Variants in MTNAP1 observed in about 807,000 individuals in gnomAD.
The protein encoded by MTNAP1 is mitochondrial nucleoid-associated protein 1.
At chr17:73,247,360 A>C in the MTNAP1 span, 3 of 1,613,790 alleles carry the variant, frequency 1.9e-6, no homozygotes, top group African/African-American at 4.0e-5. Flanking sequence ...TTTAAGTAGG[A>C]GAAGCCTTCG....
chr17:73,235,821 G>C, the MTNAP1 span: 1 of 1,614,172 alleles, frequency 6.2e-7, no homozygotes, highest in Non-Finnish European at 8.5e-7. Context: ...AAGACATCAA[G>C]AATCCAATCC....
At chr17:73,235,583 C>T in the MTNAP1 span, 1 of 1,614,122 alleles carries the variant, frequency 6.2e-7, no homozygotes, top group East Asian at 2.2e-5. Context: ...ATAGGACCAA[C>T]CATACCTACT....
chr17:73,234,508 T>A, the MTNAP1 span, among the ~76,000 whole-genome samples: 1 of 151,866 alleles, frequency 6.6e-6, no homozygotes, highest in African/African-American at 2.4e-5. Flanking sequence ...CTGGCCAACA[T>A]GGTGAAACCC....
the MTNAP1 span, chr17:73,248,550 A>G: frequency 6.4e-7 from 1 of 1,551,556 alleles, no homozygotes; most frequent in Non-Finnish European, 8.7e-7. Flanking sequence ...CAAGGTGCAT[A>G]CAAATGCAGC....
chr17:73,239,520 CT>C, the MTNAP1 span, among the ~76,000 whole-genome samples: 3 of 141,558 alleles, frequency 2.1e-5, no homozygotes, highest in Non-Finnish European at 4.6e-5. Flanking sequence ...CTTCAGACAT[CT>C]TTTTTTTTTT....
the MTNAP1 span, chr17:73,245,776 A>G: frequency 3.4e-6 from 3 of 895,238 alleles, no homozygotes; most frequent in African/African-American, 1.8e-5. Flanking sequence ...GATTTTTAAA[A>G]TAGCACACTA....
At chr17:73,242,105 G>A in the MTNAP1 span, 5 of 520,410 alleles carry the variant, frequency 9.6e-6, no homozygotes, top group South Asian at 3.4e-5. Context: ...CTTAGCTGCA[G>A]TCCAATGCAG....
chr17:73,242,677 C>A, the MTNAP1 span, among the ~76,000 whole-genome samples: 1 of 152,228 alleles, frequency 6.6e-6, no homozygotes, highest in African/African-American at 2.4e-5. Flanking sequence ...CCTCCTCCCA[C>A]TAAAGATTTT....
the MTNAP1 span, chr17:73,247,426 A>C: frequency 7.4e-7 from 1 of 1,356,094 alleles, no homozygotes; most frequent in Non-Finnish European, 1.1e-6. Context: ...GCCCTGTAAC[A>C]CCTAAGTGTA....
the MTNAP1 span, among the ~76,000 whole-genome samples, chr17:73,238,415 C>G: frequency 2.6e-5 from 4 of 152,294 alleles, no homozygotes; most frequent in Admixed American, 2.6e-4. Context: ...AAAGGGAAAT[C>G]ATTTTCTTCT....
the MTNAP1 span, among the ~76,000 whole-genome samples, chr17:73,242,043 T>G: frequency 6.6e-6 from 1 of 152,226 alleles, no homozygotes; most frequent in Admixed American, 6.5e-5. Context: ...CAGGGGTCCC[T>G]TGGCCTTTTG....
At chr17:73,245,368 T>C in the MTNAP1 span, 1 of 1,347,758 alleles carries the variant, frequency 7.4e-7, no homozygotes, top group African/African-American at 1.5e-5. Flanking sequence ...GTAAACGTAT[T>C]ATTAATATAG....
chr17:73,246,131 G>C, the MTNAP1 span, among the ~76,000 whole-genome samples: 950 of 152,300 alleles, frequency 6.2e-3, 6 homozygotes, highest in Middle Eastern at 0.058. Flanking sequence ...TTCTAACGTA[G>C]AGGGTTAGTT....
chr17:73,240,680 G>A, the MTNAP1 span, among the ~76,000 whole-genome samples: 1 of 152,156 alleles, frequency 6.6e-6, no homozygotes, highest in South Asian at 2.1e-4. Flanking sequence ...CATTCCTTTG[G>A]TACTTAAAAG....
chr17:73,235,125 G>GAT, the MTNAP1 span, among the ~76,000 whole-genome samples: 1 of 108,058 alleles, frequency 9.3e-6, no homozygotes, highest in East Asian at 3.2e-4. Context: ...GGGAGGCTGA[G>GAT]ACGAGAATTG....
the MTNAP1 span, chr17:73,245,375 A>G: frequency 3.0e-6 from 4 of 1,314,434 alleles, no homozygotes; most frequent in African/African-American, 3.0e-5. Context: ...TATTATTAAT[A>G]TAGACAGATC....
At chr17:73,243,001 T>C in the MTNAP1 span, 4 of 1,611,062 alleles carry the variant, frequency 2.5e-6, no homozygotes, top group Non-Finnish European at 3.4e-6. Flanking sequence ...TTCAGACGTC[T>C]GAGTAAGTCT....
chr17:73,236,707 G>A, the MTNAP1 span: 2 of 1,614,156 alleles, frequency 1.2e-6, no homozygotes, highest in Non-Finnish European at 1.7e-6. Context: ...GAGTCCCGAG[G>A]GACAGTTATC....
the MTNAP1 span, chr17:73,237,070 A>T: frequency 7.5e-7 from 1 of 1,334,288 alleles, no homozygotes; most frequent in African/African-American, 1.5e-5. Context: ...TATAAGGGTC[A>T]AAATACTAAC....
Sources: gnomAD v4.1 joint callset for allele counts (sites outside exome capture counted in the v4.1 genomes callset) on GRCh38, gnomAD v4.1.1 for gene constraint, MANE v1.5 for transcripts, NCBI Gene and HGNC (gene_info 2026-07-23, HGNC 2026-07-21) for gene names.